SYT9: variants seen among roughly 807,000 people sequenced by gnomAD.
The protein encoded by SYT9 is synaptotagmin-9.
A neutral mutation model predicts 48.4 loss-of-function variants in SYT9; 22 were observed. That is an observed-to-expected ratio of 0.45 (90% CI 0.32 to 0.65). SYT9 has a LOEUF of 0.65. Among genes scored for constraint, SYT9 ranks in the 30% least tolerant of loss-of-function variants. SYT9 has a pLI of 0.03. For missense variants in SYT9, 577 were observed against 622.0 expected (o/e 0.93, Z 0.77); for synonymous variants, 265 against 245.0 (o/e 1.08, Z -0.76).
intron 6 of SYT9, among the ~76,000 whole-genome samples, chr11:7,431,757 G>C (rs1486332674): frequency 6.6e-6 from 1 of 152,232 alleles, no homozygotes; most frequent in African/African-American, 2.4e-5. Flanking sequence ...ACCTCCAGCT[G>C]CTACTTAAGA....
Position 7,467,664 on chromosome 11 carries a change from G to A in SYT9, c.*864G>A, listed in dbSNP as rs1246627011. 6.6e-6 allele frequency: 1 copy of A among 152,298 alleles called. No homozygotes were observed. The highest frequency in any genetic ancestry group is 2.4e-5 in the African/African-American group (1 of 41,446). 9.4% of individuals were successfully genotyped at this position (152,298 alleles called of 1,614,324 possible). A position where few individuals can be genotyped will look rare whatever the true frequency, so the allele number is the denominator to read the frequency against. On this transcript the variant is annotated 3_prime_UTR_variant, in exon 7 of 7. Transcript: ENST00000318881. ...TTCGTCCACTAAGGGAACAGCCTCA[G>A]AAACTGGTACAGCAATGGGTGAGAT...
intron 3 of SYT9, among the ~76,000 whole-genome samples, chr11:7,340,431 ACT>A (rs1488445116): frequency 6.6e-6 from 1 of 152,100 alleles, no homozygotes; most frequent in African/African-American, 2.4e-5. Context: ...GATATAAGAC[ACT>A]CTGACTATTG....
chr11:7,301,273 C>T (rs144860314), intron 1 of SYT9, among the ~76,000 whole-genome samples: 1,833 of 152,268 alleles, frequency 0.012, 17 homozygotes, highest in Middle Eastern at 0.037. Flanking sequence ...ATTGATTGGG[C>T]GGCAAAGAGG....
In SYT9 at chr11:7,445,389, C is replaced by T. The variant is rs182287129; in HGVS notation, c.1468-21403C>T. Among the ~76,000 whole-genome samples the T allele has an allele frequency of 9.8e-5, 15 of 152,286 alleles. No individual in the cohort carries two copies. In the East Asian group the frequency reaches 2.1e-3, roughly 22 times the overall value. The stretch of plus-strand genomic sequence containing the variant: ...GGGCTTCACTGTCCAGCCTTGGACT[C>T]CACGGCTGCTCTCTGCTCTCTCTGA... On this transcript the variant is annotated intron_variant, in intron 6 of 6. Transcript: ENST00000318881.
intron 4 of SYT9, 138 bp downstream of exon 4, chr11:7,416,300 G>C (rs1847247219): frequency 1.0e-6 from 1 of 988,356 alleles, no homozygotes. Flanking sequence ...ACACCTGTGT[G>C]ACCTTGGGCA....
At chr11:7,299,856 G>A (rs1300261790) in intron 1 of SYT9, among the ~76,000 whole-genome samples, 2 of 152,132 alleles carry the variant, frequency 1.3e-5, no homozygotes, top group Admixed American at 6.5e-5. Flanking sequence ...GGGTCCTATG[G>A]TTACTAGTTA....
intron 3 of SYT9, among the ~76,000 whole-genome samples, chr11:7,319,192 C>CTTTTTTTTTTTTTTTTTT (rs71056795): frequency 3.5e-5 from 3 of 86,190 alleles, no homozygotes; most frequent in South Asian, 4.9e-4. Context: ...TCTTCTTTTT[C>CTTTTTTTTTTTTTTTTTT]TTTTTTTTTT....
At chr11:7,446,144 T>C (rs1286795650) in intron 6 of SYT9, among the ~76,000 whole-genome samples, 1 of 152,206 alleles carries the variant, frequency 6.6e-6, no homozygotes, top group Non-Finnish European at 1.5e-5. Flanking sequence ...TAGTTGTGCC[T>C]ATCACCGAGC....
chr11:7,392,089 G>A (rs570802085), intron 3 of SYT9, among the ~76,000 whole-genome samples: 39 of 151,766 alleles, frequency 2.6e-4, no homozygotes, highest in Non-Finnish European at 4.0e-4. Flanking sequence ...TTCTTTTGCT[G>A]TACAGAAGCT....
Position 7,318,297 on chromosome 11 carries a change from G to A in SYT9, c.1044+4356G>A, listed in dbSNP as rs867257292. 4.0e-5 allele frequency among the ~76,000 whole-genome samples: 6 copies of A among 150,210 alleles called. No individual in the cohort carries two copies. The South Asian group carries it at 1.1e-3, about 26-fold the overall frequency. On this transcript the variant is annotated intron_variant, in intron 3 of 6. Coordinates refer to ENST00000318881, the MANE Select transcript of SYT9 (RefSeq NM_175733.4). ...TTTATGTTAATATATCTTCTATTTG[G>A]CAGTCTTGTAGAACTCATTAATGCC...
chr11:7,297,616 G>C (rs1054765248), intron 1 of SYT9, among the ~76,000 whole-genome samples: 1 of 152,130 alleles, frequency 6.6e-6, no homozygotes, highest in Non-Finnish European at 1.5e-5. Flanking sequence ...TCGCATGCTG[G>C]GACTTCCTTC....
At chr11:7,325,940 G>GCCTTGC (rs1849425284) in intron 3 of SYT9, among the ~76,000 whole-genome samples, 1 of 80,472 alleles carries the variant, frequency 1.2e-5, no homozygotes, top group African/African-American at 5.4e-5. Context: ...TATTGAACCA[G>GCCTTGC]CCTTGCATCC....
intron 5 of SYT9, among the ~76,000 whole-genome samples, chr11:7,419,454 G>A (rs11041368): frequency 0.15 from 21,625 of 147,266 alleles, 1,606 homozygotes; most frequent in East Asian, 0.29. Flanking sequence ...TTGCAGGAGG[G>A]AAAAAAAAAA....
At chr11:7,414,057 C>G (rs983532257) in intron 3 of SYT9, among the ~76,000 whole-genome samples, 7 of 152,096 alleles carry the variant, frequency 4.6e-5, no homozygotes, top group Admixed American at 3.3e-4. Context: ...GGAAAACAAA[C>G]AAACCACCAT....
In SYT9 at chr11:7,339,615, T is replaced by C. The variant is rs528161373; in HGVS notation, c.1044+25674T>C. Among the ~76,000 whole-genome samples the C allele has an allele frequency of 2.0e-5, 3 of 152,270 alleles. No homozygotes were observed. In the South Asian group the frequency reaches 6.2e-4, roughly 32 times the overall value. On this transcript the variant is annotated intron_variant, in intron 3 of 6. Transcript: ENST00000318881. ...TTATTTCTCCTTTACTAGGGAAGCT[T>C]AGTTTGGTTGGATATGAAATTCCTG...
chr11:7,468,003 C>A lies in SYT9; in HGVS notation c.*1203C>A, dbSNP rs369039561. 2.0e-3 allele frequency: 667 copies of A among 339,574 alleles called. 34 individuals carry two copies. In the South Asian group the frequency reaches 0.086, roughly 44 times the overall value. The allele number at this position is 339,574 out of a possible 1,614,324, so 21.0% of individuals were successfully genotyped here. A position where few individuals can be genotyped will look rare whatever the true frequency, so the allele number is the denominator to read the frequency against. ...CTCATCCTCATTGCTTCTGCCTCCA[C>A]GTAAATGAAACCAAAGGCCTCAGCA... On this transcript the variant is annotated 3_prime_UTR_variant, in exon 7 of 7. Coordinates refer to ENST00000318881, the MANE Select transcript of SYT9 (RefSeq NM_175733.4).
intron 3 of SYT9, among the ~76,000 whole-genome samples, chr11:7,384,132 G>A (rs540987141): frequency 2.7e-5 from 4 of 150,364 alleles, no homozygotes; most frequent in African/African-American, 4.9e-5. Context: ...TCTCAAAATC[G>A]TTATACACTT....
At chr11:7,460,722 A>G (rs1209236385) in intron 6 of SYT9, among the ~76,000 whole-genome samples, 1 of 152,220 alleles carries the variant, frequency 6.6e-6, no homozygotes, top group African/African-American at 2.4e-5. Flanking sequence ...CTAGTGTATC[A>G]GATTGTTAAG....
intron 6 of SYT9, among the ~76,000 whole-genome samples, chr11:7,465,041 T>C (rs925089393): frequency 3.9e-5 from 6 of 152,044 alleles, no homozygotes; most frequent in African/African-American, 1.4e-4. Flanking sequence ...TGAGTCGAGA[T>C]TGCGCCACTG....
Sources: allele counts gnomAD v4.1 joint callset (sites outside exome capture counted in the v4.1 genomes callset), GRCh38; gene constraint gnomAD v4.1.1; transcripts MANE v1.5; gene names NCBI Gene and HGNC (gene_info 2026-07-23, HGNC 2026-07-21).